The following NCK1 variants were observed in gnomAD, a reference collection of about 807,000 sequenced individuals.
NCK1 encodes NCK adaptor protein 1.
NCK1 carries 19 observed loss-of-function variants against 36.6 expected under a neutral mutation model. That is an observed-to-expected ratio of 0.52 (90% CI 0.36 to 0.76). The LOEUF is 0.76. Ranked by LOEUF, NCK1 falls within the 30% of genes least tolerant of loss-of-function variation. The pLI is 0.00. For missense variants in NCK1, 358 were observed against 445.6 expected, an observed-to-expected ratio of 0.80 and a Z score of 1.77; for synonymous variants, 165 against 156.0, an observed-to-expected ratio of 1.06 and a Z score of -0.43.
intron 2 of NCK1, among the ~76,000 whole-genome samples, chr3:136,929,851 G>A (rs1965108): frequency 0.69 from 104,269 of 152,022 alleles, 36,030 homozygotes; most frequent in East Asian, 0.87. Context: ...ATTACTGTAT[G>A]TAAATCTAAA....
chr3:136,898,562 A>T (rs931391139), intron 1 of NCK1, among the ~76,000 whole-genome samples: 2 of 152,210 alleles, frequency 1.3e-5, no homozygotes, highest in Admixed American at 1.3e-4. Context: ...CAACCATTTT[A>T]GTGTGTAAAA....
chr3:136,925,714 G>A (rs948363388), intron 1 of NCK1, among the ~76,000 whole-genome samples: 3 of 152,208 alleles, frequency 2.0e-5, no homozygotes, highest in East Asian at 1.9e-4. Flanking sequence ...TGGTATGAAC[G>A]TACCAGTTTG....
chr3:136,945,449 T>A (rs544364534), intron 2 of NCK1, 134 bp from the exon 3 acceptor site: 1 of 594,626 alleles, frequency 1.7e-6, no homozygotes, highest in Non-Finnish European at 2.7e-6. Context: ...TTTAACTACA[T>A]AGAAATTTGT....
intron 1 of NCK1, among the ~76,000 whole-genome samples, chr3:136,864,944 A>T (rs9853404): frequency 0.029 from 3,429 of 119,686 alleles, 67 homozygotes; most frequent in Middle Eastern, 0.14. Flanking sequence ...ATATATATAT[A>T]TTTTTCTTTT....
intron 2 of NCK1, among the ~76,000 whole-genome samples, chr3:136,942,711 C>T (rs1230745086): frequency 6.6e-6 from 1 of 152,204 alleles, no homozygotes; most frequent in East Asian, 1.9e-4. Context: ...GATTGGTATA[C>T]ACACCCCTTA....
chr3:136,884,055 G>T (rs1308865333), intron 1 of NCK1, among the ~76,000 whole-genome samples: 3 of 152,158 alleles, frequency 2.0e-5, no homozygotes, highest in Non-Finnish European at 4.4e-5. Flanking sequence ...GCTTGGATTA[G>T]AGAACACAAT....
At chr3:136,940,055 G>T (rs1209609178) in intron 2 of NCK1, among the ~76,000 whole-genome samples, 1 of 151,822 alleles carries the variant, frequency 6.6e-6, no homozygotes. Context: ...TAGAGACAAG[G>T]TCTCACCATC....
intron 1 of NCK1, among the ~76,000 whole-genome samples, chr3:136,914,706 CT>C (rs1939915124): frequency 6.6e-6 from 1 of 152,198 alleles, no homozygotes; most frequent in African/African-American, 2.4e-5. Context: ...AATGTGACAA[CT>C]TCTGGCTTCC....
At chr3:136,895,190 A>G (rs1016124038) in intron 1 of NCK1, among the ~76,000 whole-genome samples, 2 of 151,962 alleles carry the variant, frequency 1.3e-5, no homozygotes, top group African/African-American at 4.8e-5. Context: ...ATTTTTTTTG[A>G]TAATAGGGAT....
chr3:136,875,452 T>G (rs570047611), intron 1 of NCK1, among the ~76,000 whole-genome samples: 2 of 152,244 alleles, frequency 1.3e-5, no homozygotes, highest in South Asian at 4.2e-4. Flanking sequence ...CCCTGTCTTG[T>G]GCCAGTTTTC....
intron 1 of NCK1, among the ~76,000 whole-genome samples, chr3:136,918,942 T>C (rs1199243211): frequency 1.3e-5 from 2 of 152,240 alleles, no homozygotes; most frequent in Non-Finnish European, 2.9e-5. Flanking sequence ...AAATTTATTT[T>C]CTTGTTTAAC....
At chr3:136,932,464 G>A (rs901674142) in intron 2 of NCK1, among the ~76,000 whole-genome samples, 14 of 152,118 alleles carry the variant, frequency 9.2e-5, no homozygotes, top group Non-Finnish European at 1.5e-5. Flanking sequence ...ATTGTACAAT[G>A]TTTTAAATAA....
At chr3:136,909,039 T>A (rs1186524364) in intron 1 of NCK1, among the ~76,000 whole-genome samples, 1 of 152,204 alleles carries the variant, frequency 6.6e-6, no homozygotes, top group Non-Finnish European at 1.5e-5. Context: ...TTTGATGCCT[T>A]CCTCCTTGTT....
At chr3:136,925,736 G>A (rs906935728) in intron 1 of NCK1, among the ~76,000 whole-genome samples, 6 of 151,828 alleles carry the variant, frequency 4.0e-5, no homozygotes, top group Middle Eastern at 3.2e-3. Context: ...TTAATTATTT[G>A]CCTGTTGAAG....
At chr3:136,867,178 TTC>T (rs55659307) in intron 1 of NCK1, among the ~76,000 whole-genome samples, 11,769 of 37,092 alleles carry the variant, frequency 0.32, 1,661 homozygotes, top group East Asian at 0.58. Context: ...CCTTCCTTCC[TTC>T]TTTCTTTCTT....
At chr3:136,892,541 C>T (rs983947950) in intron 1 of NCK1, among the ~76,000 whole-genome samples, 5 of 152,196 alleles carry the variant, frequency 3.3e-5, no homozygotes, top group Non-Finnish European at 7.3e-5. Flanking sequence ...ATATAAGCAG[C>T]TTCTAGGAGC....
chr3:136,882,583 G>C (rs1938972519), intron 1 of NCK1, among the ~76,000 whole-genome samples: 1 of 152,010 alleles, frequency 6.6e-6, no homozygotes, highest in Non-Finnish European at 1.5e-5. Flanking sequence ...GTGTGTGTGT[G>C]TGTGTGTTGA....
At chr3:136,865,269 G>C (rs942533530) in intron 1 of NCK1, among the ~76,000 whole-genome samples, 2 of 152,082 alleles carry the variant, frequency 1.3e-5, no homozygotes, top group African/African-American at 4.8e-5. Flanking sequence ...ATTTTTAGTA[G>C]AGACGGAGTT....
At chr3:136,884,733 T>G (rs1241133735) in intron 1 of NCK1, among the ~76,000 whole-genome samples, 1 of 150,300 alleles carries the variant, frequency 6.7e-6, no homozygotes, top group Non-Finnish European at 1.5e-5. Context: ...TTTTTTTTCT[T>G]TTTTTGAGAG....
Sources: gnomAD v4.1 joint callset for allele counts (sites outside exome capture counted in the v4.1 genomes callset) on GRCh38, gnomAD v4.1.1 for gene constraint, MANE v1.5 for transcripts, NCBI Gene and HGNC (gene_info 2026-07-23, HGNC 2026-07-21) for gene names.